Variants in KATNIP observed in about 807,000 individuals in gnomAD.
The protein encoded by KATNIP is katanin interacting protein.
A neutral mutation model predicts 174.0 loss-of-function variants in KATNIP; 126 were observed. The observed-to-expected ratio is 0.72, with a 90% CI of 0.63 to 0.84. The LOEUF (loss-of-function observed/expected upper bound fraction) is 0.84, where lower values mean the gene tolerates loss of function less well. Among genes scored for constraint, KATNIP ranks in the 40% least tolerant of loss-of-function variants. The pLI is 0.00. For synonymous variants in KATNIP, 810 were observed against 835.7 expected, an observed-to-expected ratio of 0.97 and a Z score of 0.53; for missense variants, 1,958 against 2,109.7, an observed-to-expected ratio of 0.93 and a Z score of 1.41.
chr16:27,693,159 C>G (rs1171827685), intron 8 of KATNIP, among the ~76,000 whole-genome samples: 2 of 152,172 alleles, frequency 1.3e-5, no homozygotes, highest in African/African-American at 4.8e-5. Context: ...GCTTGCTAAA[C>G]AGAGTTTCTT....
chr16:27,746,126 G>A (rs981856341), intron 15 of KATNIP, among the ~76,000 whole-genome samples: 3 of 151,912 alleles, frequency 2.0e-5, no homozygotes, highest in Admixed American at 6.6e-5. Flanking sequence ...CACCGTGCCC[G>A]GCCATCTACT....
intron 6 of KATNIP, among the ~76,000 whole-genome samples, chr16:27,661,098 CTG>C (rs2077461374): frequency 6.6e-6 from 1 of 152,184 alleles, no homozygotes; most frequent in Admixed American, 6.5e-5. Flanking sequence ...GTTTTCCAAA[CTG>C]TGAATCAGGA....
At chr16:27,760,729 C>A (rs996568312) in intron 18 of KATNIP, among the ~76,000 whole-genome samples, 1 of 152,184 alleles carries the variant, frequency 6.6e-6, no homozygotes, top group Non-Finnish European at 1.5e-5. Flanking sequence ...GGGGTTTCTC[C>A]CTCAAGGAGT....
Position 27,631,151 on chromosome 16 carries a change from G to A in KATNIP, c.397G>A (p.Gly133Arg). The A allele has an allele frequency of 6.4e-7, 1 of 1,567,728 alleles. No homozygotes were observed. The highest frequency in any genetic ancestry group is 1.7e-4 in the Middle Eastern group (1 of 6,018). The change falls in exon 5 of 28, where the codon GGA becomes AGA. Residue 133 changes from glycine (G) to arginine (R), a missense_variant. Physicochemically the swap from Gly to Arg is moderately radical, Grantham distance 125 (BLOSUM62 -2). This residue lies in a region of KATNIP where 1,557 missense variants were observed against 1,617.8 expected (regional missense o/e 0.96). Coordinates refer to ENST00000261588, the MANE Select transcript of KATNIP (RefSeq NM_015202.5). The part of the protein sequence containing the change: ...RTAPSKVQRR[G>R]WHQKSVQIRT... ...AGCCCCCAGTAAAGTCCAGCGCCGA[G>A]GATGGCACCAGGTCTGGAGACTGTG...
intron 2 of KATNIP, among the ~76,000 whole-genome samples, chr16:27,574,994 C>T (rs975292218): frequency 2.0e-5 from 3 of 152,328 alleles, no homozygotes; most frequent in African/African-American, 7.2e-5. Flanking sequence ...CCTCTGAGCC[C>T]ACCTACTCTG....
At chr16:27,707,169 G>A (rs2079347372) in intron 12 of KATNIP, among the ~76,000 whole-genome samples, 1 of 152,158 alleles carries the variant, frequency 6.6e-6, no homozygotes, top group African/African-American at 2.4e-5. Flanking sequence ...AATAAGTGGG[G>A]AACAGTTGCT....
intron 4 of KATNIP, among the ~76,000 whole-genome samples, chr16:27,629,199 C>T (rs1235155072): frequency 6.6e-6 from 1 of 150,968 alleles, no homozygotes; most frequent in Non-Finnish European, 1.5e-5. Flanking sequence ...GATTATGGAA[C>T]CACATCCTGT....
intron 5 of KATNIP, among the ~76,000 whole-genome samples, chr16:27,638,712 G>A (rs1005948821): frequency 3.9e-5 from 6 of 152,192 alleles, no homozygotes; most frequent in East Asian, 1.9e-4. Flanking sequence ...AGGGGACACC[G>A]TGGTGGGATG....
At chr16:27,750,595 A>G (rs1009181909) in intron 16 of KATNIP, among the ~76,000 whole-genome samples, 1 of 103,534 alleles carries the variant, frequency 9.7e-6, no homozygotes, top group African/African-American at 3.5e-5. Context: ...AATTTTTTGT[A>G]TTTTTTTTTT....
chr16:27,580,946 C>G (rs1596790084), intron 2 of KATNIP, among the ~76,000 whole-genome samples: 1 of 152,098 alleles, frequency 6.6e-6, no homozygotes, highest in Non-Finnish European at 1.5e-5. Context: ...GTACAGAACT[C>G]ATTGAGGTGG....
chr16:27,767,238 C>T (rs1266573707), intron 20 of KATNIP, among the ~76,000 whole-genome samples: 2 of 152,160 alleles, frequency 1.3e-5, no homozygotes, highest in African/African-American at 4.8e-5. Context: ...TAACCTCTGG[C>T]ACGTGGCCTG....
At chr16:27,621,779 G>C (rs1405246777) in intron 3 of KATNIP, among the ~76,000 whole-genome samples, 3 of 150,896 alleles carry the variant, frequency 2.0e-5, no homozygotes, top group Admixed American at 2.0e-4. Flanking sequence ...GCAGGAGAGA[G>C]AGGGTGGGGG....
At chr16:27,613,049 A>G (rs2075943350) in intron 2 of KATNIP, among the ~76,000 whole-genome samples, 1 of 152,158 alleles carries the variant, frequency 6.6e-6, no homozygotes, top group Non-Finnish European at 1.5e-5. Flanking sequence ...ACTTGAGCTC[A>G]GGAGTCCGAG....
In KATNIP at chr16:27,708,900, C is replaced by T. The variant is rs199696449; in HGVS notation, c.1585C>T (p.Leu529Phe). The change falls in exon 13 of 28, where the codon CTC becomes TTC. Residue 529 changes from leucine (L) to phenylalanine (F), a missense_variant. Leu to Phe is a conservative substitution (Grantham distance 22). This residue lies in a region of KATNIP where 1,557 missense variants were observed against 1,617.8 expected (regional missense o/e 0.96). Coordinates refer to ENST00000261588, the MANE Select transcript of KATNIP (RefSeq NM_015202.5). ...NTATPGELGRLVNRNLAGKKD... is the reference protein window; with the variant it reads ...NTATPGELGRFVNRNLAGKKD... ...AGCCACGCCTGGGGAGCTGGGCCGC[C>T]TCGTCAACAGGAACTTAGCTGTGAG... 24 of 1,613,068 alleles carry T rather than the reference C, an allele frequency of 1.5e-5. No individual in the cohort carries two copies. In the East Asian group the frequency reaches 3.6e-4, roughly 24 times the overall value.
intron 7 of KATNIP, chr16:27,678,998 C>A (rs1169020971): frequency 6.6e-6 from 1 of 152,348 alleles, no homozygotes; most frequent in Non-Finnish European, 1.5e-5. Flanking sequence ...TGGCCTCTGC[C>A]TGCACCTCTG....
rs558540912 is a variant in KATNIP, at chr16:27,751,886, C to T, written c.3514C>T (p.Arg1172Trp). ...CACGGCCGACGGCGAGGGGGATGAG[C>T]GGCCCTTCACCCAGGCTGGCTTGGG... ...PSTADGEGDE[R>W]PFTQAGLGAD... The change falls in exon 17 of 28, where the codon CGG (arginine) becomes TGG (tryptophan). Residue 1172 changes from arginine to tryptophan, a missense_variant. Arg to Trp is a moderately radical substitution (Grantham distance 101, BLOSUM62 -3). Transcript: ENST00000261588. The T allele has an allele frequency of 1.1e-5, 17 of 1,612,640 alleles. No individual in the cohort carries two copies. Among genetic ancestry groups the T allele is most frequent in the Admixed American group, 3.3e-5 (2 of 60,016 alleles).
chr16:27,579,949 G>A (rs1013611814), intron 2 of KATNIP, among the ~76,000 whole-genome samples: 13 of 151,714 alleles, frequency 8.6e-5, no homozygotes, highest in Non-Finnish European at 1.6e-4. Context: ...AAGCAGAAGA[G>A]GAGACAGGTC....
chr16:27,769,828 C>T (rs2082238277), intron 20 of KATNIP, 33 bp from the exon 21 acceptor site: 4 of 1,605,966 alleles, frequency 2.5e-6, no homozygotes, highest in Non-Finnish European at 2.6e-6. Context: ...TGGCCTGCCT[C>T]CCTTCAGTCA....
intron 15 of KATNIP, among the ~76,000 whole-genome samples, chr16:27,743,036 T>G (rs926882554): frequency 6.6e-6 from 1 of 152,188 alleles, no homozygotes; most frequent in Non-Finnish European, 1.5e-5. Context: ...CAGGCCACAG[T>G]GTGTGATGTT....
Sources: allele counts gnomAD v4.1 joint callset (sites outside exome capture counted in the v4.1 genomes callset), GRCh38; gene constraint gnomAD v4.1.1; regional missense constraint gnomAD v4.1.1; transcripts MANE v1.5; gene names NCBI Gene and HGNC (gene_info 2026-07-23, HGNC 2026-07-21).